PARVA: variants seen among roughly 807,000 people sequenced by gnomAD.
PARVA encodes alpha-parvin.
Under a neutral mutation model 52.6 loss-of-function variants are expected in PARVA, and 25 were observed. The ratio of observed to expected loss-of-function variants is 0.48; its 90% CI spans 0.35 to 0.66. The LOEUF is 0.66. Ranked by LOEUF, PARVA falls within the 30% of genes least tolerant of loss-of-function variation. The pLI is 0.01. For synonymous variants in PARVA, 185 were observed against 179.1 expected (o/e 1.03, Z -0.26); for missense variants, 373 against 450.9 (o/e 0.83, Z 1.56).
rs1463778034 is a variant in PARVA, at chr11:12,530,419, A to C, written c.*2494A>C. Reference sequence around the variant, plus strand: ...GAAAAAAGAAACCAAAATGAGAATCAACACTTCATAGGCTCACTGGGTTTT... The same window carrying C: ...GAAAAAAGAAACCAAAATGAGAATCCACACTTCATAGGCTCACTGGGTTTT... On this transcript the variant is annotated 3_prime_UTR_variant, in exon 13 of 13. Transcript: ENST00000334956. 1 of 152,242 alleles carries C rather than the reference A, an allele frequency of 6.6e-6. No individual in the cohort carries two copies. The highest frequency in any genetic ancestry group is 1.5e-5 in the Non-Finnish European group (1 of 68,044). The allele number at this position is 152,242 out of a possible 1,614,324, so 9.4% of individuals were successfully genotyped here. A position where few individuals can be genotyped will look rare whatever the true frequency, so the allele number is the denominator to read the frequency against.
intron 12 of PARVA, 41 bp downstream of exon 12, chr11:12,518,558 C>A (rs768747746): frequency 8.6e-6 from 12 of 1,401,270 alleles, no homozygotes; most frequent in South Asian, 1.2e-5. Context: ...CAGAGTGAGA[C>A]CCTCTCCCTG....
intron 4 of PARVA, among the ~76,000 whole-genome samples, chr11:12,493,950 G>A (rs1435053591): frequency 1.3e-5 from 2 of 152,232 alleles, no homozygotes; most frequent in Non-Finnish European, 2.9e-5. Flanking sequence ...CATTCGCCAA[G>A]TTCAGACCTC....
intron 12 of PARVA, among the ~76,000 whole-genome samples, chr11:12,519,886 G>C (rs960774387): frequency 1.2e-4 from 18 of 152,152 alleles, no homozygotes; most frequent in African/African-American, 3.9e-4. Context: ...GGCCACTCCA[G>C]CCTTCCTAAT....
chr11:12,385,466 A>C (rs1438651793), intron 1 of PARVA, among the ~76,000 whole-genome samples: 1 of 152,236 alleles, frequency 6.6e-6, no homozygotes, highest in Non-Finnish European at 1.5e-5. Context: ...TCTTGATGAA[A>C]GATCGGTTGG....
At chr11:12,473,591 C>T (rs553692756) in intron 1 of PARVA, among the ~76,000 whole-genome samples, 154 bp from the exon 2 acceptor site, 10 of 152,222 alleles carry the variant, frequency 6.6e-5, no homozygotes, top group Middle Eastern at 3.4e-3. Context: ...TTCAGCCAGG[C>T]GAGGCCATGA....
At chr11:12,463,144 T>A (rs558606894) in intron 1 of PARVA, among the ~76,000 whole-genome samples, 2 of 152,286 alleles carry the variant, frequency 1.3e-5, no homozygotes, top group African/African-American at 4.8e-5. Context: ...ACATCTTAAA[T>A]TAGTATGGTA....
At chr11:12,458,974 C>T (rs1244194858) in intron 1 of PARVA, among the ~76,000 whole-genome samples, 1 of 152,154 alleles carries the variant, frequency 6.6e-6, no homozygotes, top group Non-Finnish European at 1.5e-5. Context: ...GTTCTTCTTT[C>T]CTTTCCTGGG....
At chr11:12,480,682 C>A (rs1444253530) in intron 4 of PARVA, 1 of 151,976 alleles carries the variant, frequency 6.6e-6, no homozygotes, top group African/African-American at 2.4e-5. Context: ...AAAGGTGATT[C>A]ACTATGGAGG....
At chr11:12,445,367 C>T (rs1940530257) in intron 1 of PARVA, among the ~76,000 whole-genome samples, 1 of 152,064 alleles carries the variant, frequency 6.6e-6, no homozygotes, top group Admixed American at 6.5e-5. Context: ...ACAGACAAGG[C>T]CAATGACCTT....
intron 1 of PARVA, among the ~76,000 whole-genome samples, chr11:12,395,191 A>C (rs753315275): frequency 5.9e-5 from 9 of 152,188 alleles, no homozygotes; most frequent in Non-Finnish European, 1.2e-4. Context: ...TGGTTGAAAA[A>C]AGTCCACATA....
At chr11:12,421,561 G>A (rs544401888) in intron 1 of PARVA, among the ~76,000 whole-genome samples, 1 of 152,304 alleles carries the variant, frequency 6.6e-6, no homozygotes, top group African/African-American at 2.4e-5. Context: ...AGCCAGAGGG[G>A]CCTCTGTCAG....
intron 1 of PARVA, among the ~76,000 whole-genome samples, chr11:12,425,423 G>T (rs1304644990): frequency 1.3e-5 from 2 of 152,102 alleles, no homozygotes; most frequent in Non-Finnish European, 2.9e-5. Flanking sequence ...AATCTTACCA[G>T]GTCAGTCTTC....
chr11:12,506,719 G>A (rs1370059315), intron 6 of PARVA, among the ~76,000 whole-genome samples: 2 of 152,202 alleles, frequency 1.3e-5, no homozygotes, highest in Admixed American at 6.5e-5. Context: ...GTTTTATGGG[G>A]TGTTTTTGCT....
At chr11:12,505,957 C>T (rs1941427174) in intron 6 of PARVA, among the ~76,000 whole-genome samples, 1 of 152,162 alleles carries the variant, frequency 6.6e-6, no homozygotes. Flanking sequence ...ATGGACAGCA[C>T]CAAGAGTGAA....
intron 1 of PARVA, among the ~76,000 whole-genome samples, chr11:12,379,801 G>A (rs1221486680): frequency 1.3e-5 from 2 of 152,300 alleles, no homozygotes; most frequent in Admixed American, 6.5e-5. Flanking sequence ...GTAACCCATC[G>A]AGTAGTGTAC....
rs191944206 is a variant in PARVA, at chr11:12,429,411, G to A, written c.137-44334G>A. ...TAAATGTTTAACAACCAGCTTTCCA[G>A]TAAAAAGTGTGTGTACAAATGCATA... On this transcript the variant is annotated intron_variant, in intron 1 of 12. Transcript: ENST00000334956. Among the ~76,000 whole-genome samples, 40 of 152,274 alleles carry A rather than the reference G, an allele frequency of 2.6e-4. No individual in the cohort carries two copies. In the East Asian group the frequency reaches 6.9e-3, roughly 26 times the overall value.
At chr11:12,451,300 A>C (rs1940620861) in intron 1 of PARVA, among the ~76,000 whole-genome samples, 1 of 152,184 alleles carries the variant, frequency 6.6e-6, no homozygotes, top group Non-Finnish European at 1.5e-5. Context: ...AGCAGCTAAA[A>C]GCTCATGAGT....
intron 1 of PARVA, among the ~76,000 whole-genome samples, chr11:12,432,341 C>A (rs1940327022): frequency 6.6e-6 from 1 of 152,188 alleles, no homozygotes; most frequent in Non-Finnish European, 1.5e-5. Context: ...GTTTTTATTT[C>A]ATGAGATAAA....
At chr11:12,425,527 CCT>C (rs1352170389) in intron 1 of PARVA, among the ~76,000 whole-genome samples, 4 of 152,184 alleles carry the variant, frequency 2.6e-5, no homozygotes, top group African/African-American at 9.7e-5. Context: ...TTTCTTTTCA[CCT>C]CTCACTCATC....
Sources: gnomAD v4.1 joint callset for allele counts (sites outside exome capture counted in the v4.1 genomes callset) on GRCh38, gnomAD v4.1.1 for gene constraint, MANE v1.5 for transcripts, NCBI Gene and HGNC (gene_info 2026-07-23, HGNC 2026-07-21) for gene names.